The following SLC16A10 variants were observed in gnomAD, a reference collection of about 807,000 sequenced individuals.
SLC16A10 encodes monocarboxylate transporter 10.
Under a neutral mutation model 40.0 loss-of-function variants are expected in SLC16A10, and 27 were observed. The observed-to-expected ratio is 0.67, with a 90% confidence interval of 0.50 to 0.93. The LOEUF (loss-of-function observed/expected upper bound fraction) is 0.93. SLC16A10 is among the 40% of genes least tolerant of loss of function. SLC16A10 has a pLI of 0.00. For missense variants in SLC16A10, 529 were observed against 658.2 expected, an observed-to-expected ratio of 0.80 and a Z score of 2.15; for synonymous variants, 213 against 249.8, an observed-to-expected ratio of 0.85 and a Z score of 1.39.
At chr6:111,200,592 G>GA (rs901289117) in intron 3 of SLC16A10, among the ~76,000 whole-genome samples, 4 of 151,926 alleles carry the variant, frequency 2.6e-5, no homozygotes, top group Non-Finnish European at 4.4e-5. Context: ...AAAAAAGAAA[G>GA]AAAAAAACAA....
chr6:111,221,186 A>T (rs1770886456), intron 5 of SLC16A10, among the ~76,000 whole-genome samples: 3 of 152,226 alleles, frequency 2.0e-5, no homozygotes, highest in Non-Finnish European at 4.4e-5. Context: ...ATAACTTTTA[A>T]AACCATGAGT....
chr6:111,185,236 CACAGGT>C (rs752624153), intron 3 of SLC16A10, among the ~76,000 whole-genome samples: 16 of 152,190 alleles, frequency 1.1e-4, no homozygotes, highest in Non-Finnish European at 4.4e-5. Flanking sequence ...GGGATTTGAA[CACAGGT>C]TTCAGACAAA....
chr6:111,200,290 C>T (rs567077895), intron 3 of SLC16A10, among the ~76,000 whole-genome samples: 2 of 152,300 alleles, frequency 1.3e-5, no homozygotes, highest in South Asian at 2.1e-4. Flanking sequence ...CTTAGAGATA[C>T]TTTAGTCTAA....
At chr6:111,162,966 A>G (rs899743711) in intron 1 of SLC16A10, among the ~76,000 whole-genome samples, 12 of 152,024 alleles carry the variant, frequency 7.9e-5, no homozygotes, top group African/African-American at 2.9e-4. Context: ...CAAAGTTATC[A>G]GAAACCTGCA....
chr6:111,161,870 C>T (rs1170522911), intron 1 of SLC16A10, among the ~76,000 whole-genome samples: 2 of 152,148 alleles, frequency 1.3e-5, no homozygotes, highest in African/African-American at 4.8e-5. Context: ...GGGTTACGGG[C>T]ACCCTGTTTA....
rs189352461 is a variant in SLC16A10 at position 111,117,621 on chromosome 6, A to G, written c.343+29526A>G. ...GCATGAAGTACTATTTCTTTTCTCT[A>G]TACTTCTTGTTTTTGGTTTTTGCTT... On this transcript the variant is annotated intron_variant, in intron 1 of 5. Transcript: ENST00000368851. Among the ~76,000 whole-genome samples, 262 of 152,280 alleles carry G rather than the reference A, an allele frequency of 1.7e-3. 3 individuals carry two copies. The highest frequency in any genetic ancestry group is 3.4e-3 in the Middle Eastern group (1 of 294).
In SLC16A10 at chr6:111,228,847, T is replaced by G. The variant is rs919627003; in HGVS notation, c.*6612T>G. On this transcript the variant is annotated 3_prime_UTR_variant, in exon 6 of 6. Coordinates refer to ENST00000368851, the MANE Select transcript of SLC16A10 (RefSeq NM_018593.5). ...ATGTTGGAGACCAGCCTGACCAACA[T>G]GGAGAAACCCCATCTCTACCAAAAA... is the stretch of plus-strand genomic sequence containing the variant. 3 of 151,856 alleles carry G rather than the reference T, an allele frequency of 2.0e-5. No homozygotes were observed. Among genetic ancestry groups the G allele is most frequent in the African/African-American group, 7.3e-5 (3 of 41,294 alleles). 9.4% of individuals were successfully genotyped at this position (151,856 alleles called of 1,614,324 possible). A position where few individuals can be genotyped will look rare whatever the true frequency, so the allele number is the denominator to read the frequency against.
At chr6:111,093,806 T>C (rs1280900945) in intron 1 of SLC16A10, among the ~76,000 whole-genome samples, 2 of 152,128 alleles carry the variant, frequency 1.3e-5, no homozygotes, top group East Asian at 3.8e-4. Context: ...GTAGAAAAGC[T>C]AAGAGAACTC....
At position 111,087,917 on chromosome 6, in the gene SLC16A10, C is replaced by T. The variant is rs1270030549; in HGVS notation, c.165C>T (p.Thr55=). ...KVEVELAGPA[T]AEPHEPPEPP... ...AGGTGGAGCTGGCGGGGCCGGCGAC[C>T]GCGGAGCCCCATGAGCCCCCCGAAC... The change falls in exon 1 of 6, where the codon ACC becomes ACT. Residue 55 remains threonine, a synonymous_variant. Transcript: ENST00000368851. The T allele has an allele frequency of 6.3e-7, 1 of 1,589,966 alleles. No individual in the cohort carries two copies. Among genetic ancestry groups the T allele is most frequent in the South Asian group, 1.1e-5 (1 of 87,752 alleles).
intron 3 of SLC16A10, among the ~76,000 whole-genome samples, chr6:111,191,776 A>G (rs1447802242): frequency 6.6e-6 from 1 of 152,034 alleles, no homozygotes; most frequent in East Asian, 1.9e-4. Context: ...ACCAGTGATG[A>G]TCTTTTTTTT....
At chr6:111,092,973 A>G (rs1032401746) in intron 1 of SLC16A10, among the ~76,000 whole-genome samples, 4 of 151,280 alleles carry the variant, frequency 2.6e-5, no homozygotes, top group Admixed American at 1.3e-4. Flanking sequence ...CCTGGGAGGC[A>G]GAGGTTGTAG....
intron 1 of SLC16A10, among the ~76,000 whole-genome samples, chr6:111,168,543 T>C (rs1250403821): frequency 6.6e-6 from 1 of 152,220 alleles, no homozygotes; most frequent in African/African-American, 2.4e-5. Context: ...TTGTGGCATA[T>C]ATATCATAGG....
chr6:111,165,945 T>C (rs1772464796), intron 1 of SLC16A10, among the ~76,000 whole-genome samples: 1 of 152,184 alleles, frequency 6.6e-6, no homozygotes, highest in Non-Finnish European at 1.5e-5. Context: ...TAAAACAAGA[T>C]GGAGACCTTA....
intron 1 of SLC16A10, among the ~76,000 whole-genome samples, chr6:111,147,927 C>T (rs1299592172): frequency 2.6e-5 from 4 of 152,152 alleles, no homozygotes; most frequent in Non-Finnish European, 1.5e-5. Context: ...GTTTCTCTTA[C>T]GTGACTCTGA....
Position 111,172,884 on chromosome 6 carries a change from T to G in SLC16A10, c.488+45T>G, listed in dbSNP as rs182667137. On this transcript the variant is annotated intron_variant, in intron 2 of 5. Coordinates refer to ENST00000368851, the MANE Select transcript of SLC16A10 (RefSeq NM_018593.5). Reference sequence around the variant, plus strand: ...ATGTTGCTTTTTAAAAACTGTTAGATACCTTAAAGTTTTACTTTCAGAAAC... The same window carrying G: ...ATGTTGCTTTTTAAAAACTGTTAGAGACCTTAAAGTTTTACTTTCAGAAAC... 2,168 of 1,585,772 alleles carry G rather than the reference T, an allele frequency of 1.4e-3. 8 individuals carry two copies. The highest frequency in any genetic ancestry group is 1.5e-3 in the Middle Eastern group (9 of 5,888).
intron 3 of SLC16A10, among the ~76,000 whole-genome samples, chr6:111,180,423 C>T (rs1772767899): frequency 6.6e-6 from 1 of 152,148 alleles, no homozygotes; most frequent in Admixed American, 6.5e-5. Flanking sequence ...GTGGTGCATG[C>T]CTGTGGTCCC....
intron 1 of SLC16A10, among the ~76,000 whole-genome samples, chr6:111,111,746 AGGTC>A (rs1771390176): frequency 6.6e-6 from 1 of 152,142 alleles, no homozygotes; most frequent in African/African-American, 2.4e-5. Context: ...CATGTCAGTG[AGGTC>A]GTGTAAGTAT....
Position 111,087,866 on chromosome 6 carries a change from C to G in SLC16A10, c.114C>G (p.Ser38Arg). 6.6e-7 allele frequency: 1 copy of G among 1,512,448 alleles called. No homozygotes were observed. Among genetic ancestry groups the G allele is most frequent in the Non-Finnish European group, 8.8e-7 (1 of 1,133,918 alleles). The allele number at this position is 1,512,448 out of a possible 1,614,324, so 93.7% of individuals were successfully genotyped here. A position where few individuals can be genotyped will look rare whatever the true frequency, so the allele number is the denominator to read the frequency against. Residue 38 changes from serine (S) to arginine (R), a missense_variant, in exon 1 of 6, where the codon AGC becomes AGG. Ser to Arg is a moderately radical substitution (Grantham distance 110). Transcript: ENST00000368851. Reference protein sequence around the residue: ...APPPGPGPSDSPEAAVEKVEV... With the variant: ...APPPGPGPSDRPEAAVEKVEV... ...CGCCCGGCCCGGGACCCTCGGACAG[C>G]CCCGAGGCGGCTGTCGAGAAGGTGG...
chr6:111,100,163 T>C (rs4947106), intron 1 of SLC16A10, among the ~76,000 whole-genome samples: 124,858 of 152,074 alleles, frequency 0.82, 51,408 homozygotes, highest in Non-Finnish European at 0.86. Flanking sequence ...AGTCTATTTA[T>C]GGGTCACCTG....
Sources: allele counts gnomAD v4.1 joint callset (sites outside exome capture counted in the v4.1 genomes callset), GRCh38; gene constraint gnomAD v4.1.1; transcripts MANE v1.5; gene names NCBI Gene and HGNC (gene_info 2026-07-23, HGNC 2026-07-21).